NCKAP5: variants seen among roughly 807,000 people sequenced by gnomAD.
NCKAP5 encodes the protein NCK associated protein 5.
In NCKAP5, 92 loss-of-function variants were observed where a neutral mutation model predicts 167.0. The observed-to-expected ratio is 0.55, with a 90% CI of 0.47 to 0.66. NCKAP5 has a LOEUF of 0.66. Ranked by LOEUF, NCKAP5 falls within the 30% of genes least tolerant of loss-of-function variation. NCKAP5 has a pLI of 0.00. For missense variants in NCKAP5, 2,378 were observed against 2,315.0 expected, an observed-to-expected ratio of 1.03 and a Z score of -0.56; for synonymous variants, 891 against 877.4, an observed-to-expected ratio of 1.02 and a Z score of -0.27.
chr2:133,207,898 T>C (rs2086026675), intron 5 of NCKAP5, among the ~76,000 whole-genome samples: 1 of 152,198 alleles, frequency 6.6e-6, no homozygotes, highest in Admixed American at 6.5e-5. Context: ...GGAGCATATT[T>C]CCCATGTCCA....
intron 2 of NCKAP5, among the ~76,000 whole-genome samples, chr2:133,525,103 T>A (rs1488589515): frequency 2.0e-5 from 3 of 152,208 alleles, no homozygotes; most frequent in Non-Finnish European, 4.4e-5. Flanking sequence ...ACCATAAAAA[T>A]TTTTTAAAAT....
At chr2:133,215,417 T>C (rs2086385689) in intron 4 of NCKAP5, among the ~76,000 whole-genome samples, 1 of 152,172 alleles carries the variant, frequency 6.6e-6, no homozygotes, top group African/African-American at 2.4e-5. Flanking sequence ...ACTTATAAAG[T>C]CAAAGAAAAC....
chr2:133,378,576 A>G (rs1353330507), intron 3 of NCKAP5, among the ~76,000 whole-genome samples: 2 of 152,088 alleles, frequency 1.3e-5, no homozygotes, highest in African/African-American at 4.8e-5. Context: ...ACCTGCCCAC[A>G]CTTCCTTCCC....
chr2:133,059,589 C>T (rs1005370982), intron 6 of NCKAP5, among the ~76,000 whole-genome samples: 6 of 151,476 alleles, frequency 4.0e-5, no homozygotes, highest in Non-Finnish European at 5.9e-5. Context: ...GAGAGGATCG[C>T]TTAAGCCCAG....
rs112714806 is a variant in NCKAP5 at position 133,534,404 on chromosome 2, A to G, written c.-61-16817T>C. Among the ~76,000 whole-genome samples the G allele has an allele frequency of 6.1e-3, 923 of 152,258 alleles. 9 individuals are homozygous for G. The highest frequency in any genetic ancestry group is 0.019 in the African/African-American group (790 of 41,540). On this transcript the variant is annotated intron_variant, in intron 2 of 19. Coordinates refer to ENST00000409261, the MANE Select transcript of NCKAP5 (RefSeq NM_207363.3). The stretch of plus-strand genomic sequence containing the variant: ...CTTTATTGGTTTTTAGTGAATTCAG[A>G]GTTGTACCACTAGTACCATAATCTA...
At chr2:132,773,642 C>T (rs990719053) in intron 16 of NCKAP5, among the ~76,000 whole-genome samples, 174 bp downstream of exon 16, 4 of 152,146 alleles carry the variant, frequency 2.6e-5, no homozygotes. Flanking sequence ...GCTGCTTTGA[C>T]CCACTTATTT....
intron 8 of NCKAP5, among the ~76,000 whole-genome samples, chr2:132,892,828 T>C (rs1416013714): frequency 3.9e-5 from 6 of 152,042 alleles, no homozygotes; most frequent in Non-Finnish European, 7.4e-5. Context: ...TACTAAGGAC[T>C]TAATACAGTA....
chr2:132,923,652 A>G (rs1457810326), intron 8 of NCKAP5, among the ~76,000 whole-genome samples: 1 of 152,236 alleles, frequency 6.6e-6, no homozygotes, highest in Admixed American at 6.5e-5. Flanking sequence ...AAAAATGCTC[A>G]GCACGAATTG....
the NCKAP5 span, among the ~76,000 whole-genome samples, chr2:133,599,519 A>G: frequency 6.6e-6 from 1 of 152,218 alleles, no homozygotes; most frequent in Non-Finnish European, 1.5e-5. Flanking sequence ...GCTTTTGGCT[A>G]AAGAGAAGCA....
chr2:133,662,995 G>A, the NCKAP5 span, among the ~76,000 whole-genome samples: 1 of 152,026 alleles, frequency 6.6e-6, no homozygotes, highest in South Asian at 2.1e-4. Context: ...GGCCGGGCGC[G>A]GTGGCTCACG....
At chr2:133,283,134 A>C (rs2089986713) in intron 4 of NCKAP5, among the ~76,000 whole-genome samples, 1 of 152,218 alleles carries the variant, frequency 6.6e-6, no homozygotes, top group African/African-American at 2.4e-5. Flanking sequence ...TTAATATGGA[A>C]TTTGGGAATG....
chr2:133,657,657 C>T, the NCKAP5 span, among the ~76,000 whole-genome samples: 1 of 152,158 alleles, frequency 6.6e-6, no homozygotes, highest in South Asian at 2.1e-4. Context: ...TGACTAGCAA[C>T]CTTCACCTTG....
intron 7 of NCKAP5, among the ~76,000 whole-genome samples, chr2:132,972,478 C>T (rs1033789048): frequency 2.0e-5 from 3 of 152,134 alleles, no homozygotes; most frequent in African/African-American, 4.8e-5. Context: ...GTAATCCCAG[C>T]ACTTTGGAAG....
intron 11 of NCKAP5, among the ~76,000 whole-genome samples, chr2:132,842,289 A>T (rs534636322): frequency 1.2e-3 from 186 of 152,094 alleles, no homozygotes; most frequent in African/African-American, 4.4e-3. Context: ...TTTCTCCCTC[A>T]TTCTTATATA....
chr2:132,701,457 G>T (rs969185926), intron 19 of NCKAP5, among the ~76,000 whole-genome samples: 2 of 152,122 alleles, frequency 1.3e-5, no homozygotes, highest in African/African-American at 4.8e-5. Context: ...CTCTTAGCCA[G>T]GTTCTCATAG....
chr2:132,732,155 G>T (rs1691084680), intron 16 of NCKAP5, 104 bp from the exon 17 acceptor site: 3 of 1,111,856 alleles, frequency 2.7e-6, no homozygotes, highest in South Asian at 3.4e-5. Flanking sequence ...GAGACACCTA[G>T]AAGGGTGAAT....
Position 132,790,109 on chromosome 2 carries a change from T to A in NCKAP5, c.1006A>T (p.Ser336Cys), listed in dbSNP as rs1374072763. ...CAGGTGCTTGAAAGAGACAGTTCAC[T>A]GCTGCTACTGTAGCTGTTTCGAGGA... is the stretch of plus-strand genomic sequence containing the variant. ...LCPRNSYSSS[S>C]ELSLSSTCSE... The change falls in exon 13 of 20, where the codon AGT (serine) becomes TGT (cysteine). Residue 336 changes from serine to cysteine, a missense_variant. Ser to Cys is a moderately radical substitution (Grantham distance 112). Coordinates refer to ENST00000409261, the MANE Select transcript of NCKAP5 (RefSeq NM_207363.3). 4 of 1,613,622 alleles carry A rather than the reference T, an allele frequency of 2.5e-6. No homozygotes were observed. Among genetic ancestry groups the A allele is most frequent in the Non-Finnish European group, 2.5e-6 (3 of 1,179,734 alleles).
chr2:132,915,749 G>GT (rs762445294), intron 8 of NCKAP5: 5 of 152,094 alleles, frequency 3.3e-5, no homozygotes, highest in Non-Finnish European at 5.9e-5. Context: ...CTAGGGGGAA[G>GT]TTTCTTGTGG....
intron 3 of NCKAP5, among the ~76,000 whole-genome samples, chr2:133,405,774 G>A (rs916665031): frequency 5.3e-5 from 8 of 152,130 alleles, no homozygotes; most frequent in African/African-American, 1.9e-4. Flanking sequence ...GCTCACTTCT[G>A]CCTCAGAGGC....
Sources: allele counts gnomAD v4.1 joint callset (sites outside exome capture counted in the v4.1 genomes callset), GRCh38; gene constraint gnomAD v4.1.1; transcripts MANE v1.5; gene names NCBI Gene and HGNC (gene_info 2026-07-23, HGNC 2026-07-21).